ZBTB20: variants seen among roughly 807,000 people sequenced by gnomAD.
The protein encoded by ZBTB20 is zinc finger and BTB domain-containing protein 20.
ZBTB20 carries 9 observed loss-of-function variants against 56.9 expected under a neutral mutation model. The observed-to-expected ratio is 0.16, with a 90% CI of 0.10 to 0.28. The LOEUF (loss-of-function observed/expected upper bound fraction) is 0.28, where lower values mean the gene tolerates loss of function less well. Ranked by LOEUF, ZBTB20 falls within the 10% of genes least tolerant of loss-of-function variation. The pLI is 1.00. For missense variants in ZBTB20, 655 were observed against 1,003.0 expected (o/e 0.65, Z 4.69); for synonymous variants, 417 against 420.7 (o/e 0.99, Z 0.11).
chr3:114,887,619 C>T (rs2076650281), intron 4 of ZBTB20, among the ~76,000 whole-genome samples: 2 of 152,098 alleles, frequency 1.3e-5, no homozygotes, highest in Admixed American at 1.3e-4. Flanking sequence ...CCATCAGAAG[C>T]TGGAAGAGCC....
chr3:114,580,247 G>C (rs563389425), intron 6 of ZBTB20, among the ~76,000 whole-genome samples: 1 of 151,214 alleles, frequency 6.6e-6, no homozygotes, highest in Non-Finnish European at 1.5e-5. Context: ...ACATAGTAGT[G>C]GAAAATTTTA....
At chr3:114,470,621 T>C (rs2040017343) in intron 7 of ZBTB20, among the ~76,000 whole-genome samples, 1 of 152,156 alleles carries the variant, frequency 6.6e-6, no homozygotes, top group South Asian at 2.1e-4. Flanking sequence ...GATAAGGAAA[T>C]TGAAACTCAA....
intron 5 of ZBTB20, among the ~76,000 whole-genome samples, chr3:114,714,541 GAAA>G (rs11294072): frequency 7.3e-6 from 1 of 137,504 alleles, no homozygotes; most frequent in East Asian, 2.0e-4. Context: ...AGCATTTCAG[GAAA>G]AAAAAAAAAA....
chr3:114,413,782 A>G (rs2108781366), intron 7 of ZBTB20, among the ~76,000 whole-genome samples: 1 of 152,280 alleles, frequency 6.6e-6, no homozygotes, highest in East Asian at 1.9e-4. Flanking sequence ...AGATGAGAGA[A>G]GTAAGGATCA....
chr3:114,773,992 A>G (rs79953009), intron 5 of ZBTB20, among the ~76,000 whole-genome samples: 6,991 of 152,280 alleles, frequency 0.046, 250 homozygotes, highest in Non-Finnish European at 0.07. Context: ...ACAAAGGAAT[A>G]TTGGAAGAAA....
chr3:114,369,716 T>G lies in ZBTB20; in HGVS notation c.199+10501A>C, dbSNP rs531678069. ...TGAATTTGAGGATGTCCCATGACAA[T>G]GAAGGTGGCCTTGAGAACAACACAT... On this transcript the variant is annotated intron_variant, in intron 10 of 11. Transcript: ENST00000675478. Among the ~76,000 whole-genome samples, 7 of 152,302 alleles carry G rather than the reference T, an allele frequency of 4.6e-5. No homozygotes were observed. The South Asian group carries it at 1.0e-3, about 23-fold the overall frequency.
chr3:114,525,671 T>G (rs1439035453), intron 6 of ZBTB20, among the ~76,000 whole-genome samples: 1 of 152,210 alleles, frequency 6.6e-6, no homozygotes. Context: ...AATAGGTTTA[T>G]TTTTGGCCTA....
chr3:114,663,917 T>C (rs1343302705), intron 6 of ZBTB20, among the ~76,000 whole-genome samples: 1 of 151,566 alleles, frequency 6.6e-6, no homozygotes, highest in Non-Finnish European at 1.5e-5. Context: ...CAAAGAGACT[T>C]AGACTCCCAC....
At chr3:114,656,577 T>A (rs2060416376) in intron 6 of ZBTB20, among the ~76,000 whole-genome samples, 1 of 152,200 alleles carries the variant, frequency 6.6e-6, no homozygotes, top group South Asian at 2.1e-4. Context: ...TCTATTGACC[T>A]GTATTCAAGT....
At chr3:114,559,101 G>A (rs77792155) in intron 6 of ZBTB20, among the ~76,000 whole-genome samples, 12,940 of 152,182 alleles carry the variant, frequency 0.085, 816 homozygotes, top group Admixed American at 0.21. Context: ...CCAGAAGGAA[G>A]GAGGACTTTG....
chr3:114,430,628 T>C (rs1466634123), intron 7 of ZBTB20, among the ~76,000 whole-genome samples: 1 of 152,112 alleles, frequency 6.6e-6, no homozygotes, highest in Non-Finnish European at 1.5e-5. Flanking sequence ...ATGTAGAAAA[T>C]TCAAATCACT....
At chr3:115,042,257 T>C (rs1412377637) in intron 2 of ZBTB20, among the ~76,000 whole-genome samples, 5 of 152,202 alleles carry the variant, frequency 3.3e-5, no homozygotes, top group Non-Finnish European at 7.4e-5. Flanking sequence ...CTTAAAACCC[T>C]ATCACAATAT....
At chr3:114,565,927 C>T (rs1026403159) in intron 6 of ZBTB20, among the ~76,000 whole-genome samples, 1 of 151,970 alleles carries the variant, frequency 6.6e-6, no homozygotes, top group East Asian at 1.9e-4. Context: ...GCAAATGGAG[C>T]AATTATTATT....
chr3:114,660,587 G>C (rs2060664733), intron 6 of ZBTB20, among the ~76,000 whole-genome samples: 1 of 151,966 alleles, frequency 6.6e-6, no homozygotes, highest in African/African-American at 2.4e-5. Context: ...TTAAATGATA[G>C]AGTAATTGCC....
At chr3:114,736,035 T>C (rs1181947852) in intron 5 of ZBTB20, among the ~76,000 whole-genome samples, 1 of 152,180 alleles carries the variant, frequency 6.6e-6, no homozygotes, top group Non-Finnish European at 1.5e-5. Flanking sequence ...CAGAATTATT[T>C]ATGTATTTGT....
chr3:115,032,755 CAT>C, intron 2 of ZBTB20, among the ~76,000 whole-genome samples: 1 of 151,080 alleles, frequency 6.6e-6, no homozygotes, highest in East Asian at 1.9e-4. Flanking sequence ...AGTTAGGCAA[CAT>C]ACTCTTAAAC....
chr3:114,558,977 C>T (rs1216145071), intron 6 of ZBTB20, among the ~76,000 whole-genome samples: 2 of 152,252 alleles, frequency 1.3e-5, no homozygotes, highest in South Asian at 2.1e-4. Flanking sequence ...AACCAAATGC[C>T]ATCTCCTTAC....
At chr3:114,609,507 A>G (rs2057397247) in intron 6 of ZBTB20, among the ~76,000 whole-genome samples, 2 of 152,186 alleles carry the variant, frequency 1.3e-5, no homozygotes, top group East Asian at 3.8e-4. Flanking sequence ...TCAGTTTATT[A>G]TCATTAGTAT....
chr3:114,846,680 T>G (rs2074721364), intron 4 of ZBTB20, among the ~76,000 whole-genome samples: 1 of 152,248 alleles, frequency 6.6e-6, no homozygotes, highest in African/African-American at 2.4e-5. Context: ...AGTTGCATTT[T>G]AAACAATTGT....
Sources: allele counts gnomAD v4.1 joint callset (sites outside exome capture counted in the v4.1 genomes callset), GRCh38; gene constraint gnomAD v4.1.1; transcripts MANE v1.5; gene names NCBI Gene and HGNC (gene_info 2026-07-23, HGNC 2026-07-21).